The following CTTNBP2 variants were observed in gnomAD, a reference collection of about 807,000 sequenced individuals.
The protein encoded by CTTNBP2 is cortactin binding protein 2.
CTTNBP2 carries 108 observed loss-of-function variants against 156.9 expected under a neutral mutation model. That is an observed-to-expected ratio of 0.69 (90% CI 0.59 to 0.81). The LOEUF is 0.81. Among genes scored for constraint, CTTNBP2 ranks in the 30% least tolerant of loss-of-function variants. CTTNBP2 has a pLI of 0.00. For missense variants in CTTNBP2, 1,924 were observed against 2,035.4 expected (o/e 0.95, Z 1.05); for synonymous variants, 767 against 751.8 (o/e 1.02, Z -0.33).
chr7:117,777,460 C>A, intron 8 of CTTNBP2, 51 bp downstream of exon 8: 2 of 1,574,676 alleles, frequency 1.3e-6, no homozygotes, highest in Non-Finnish European at 8.6e-7. Flanking sequence ...GACAACTTTG[C>A]TGCTCATCAA....
At chr7:117,751,687 G>A (rs1796626355) in intron 12 of CTTNBP2, among the ~76,000 whole-genome samples, 1 of 152,178 alleles carries the variant, frequency 6.6e-6, no homozygotes, top group South Asian at 2.1e-4. Context: ...AGAAATTACA[G>A]TTCACATACA....
chr7:117,804,370 T>G (rs1282699800), intron 3 of CTTNBP2, among the ~76,000 whole-genome samples: 1 of 152,178 alleles, frequency 6.6e-6, no homozygotes, highest in African/African-American at 2.4e-5. Flanking sequence ...TTTTGAATCT[T>G]ATGTACTATG....
At chr7:117,830,476 T>TA (rs1221156186) in intron 2 of CTTNBP2, among the ~76,000 whole-genome samples, 1 of 152,198 alleles carries the variant, frequency 6.6e-6, no homozygotes, top group Non-Finnish European at 1.5e-5. Flanking sequence ...GCCAGAGACA[T>TA]ACCGAACATC....
chr7:117,859,690 C>G (rs1361122592), intron 2 of CTTNBP2, among the ~76,000 whole-genome samples: 1 of 152,134 alleles, frequency 6.6e-6, no homozygotes, highest in African/African-American at 2.4e-5. Flanking sequence ...CATTTGCCAG[C>G]AATACAGATG....
chr7:117,790,413 G>T (rs1253526909), intron 4 of CTTNBP2, among the ~76,000 whole-genome samples: 1 of 152,094 alleles, frequency 6.6e-6, no homozygotes, highest in East Asian at 1.9e-4. Flanking sequence ...TTGTTCAAGA[G>T]TCCCAGATTC....
At position 117,773,652 on chromosome 7, in the gene CTTNBP2, C is replaced by T. The variant is rs1008050113; in HGVS notation, c.2778+3859G>A. On this transcript the variant is annotated intron_variant, in intron 8 of 22. Coordinates refer to ENST00000160373, the MANE Select transcript of CTTNBP2 (RefSeq NM_033427.3). ...GCTTGGGAGTTGCTTAGAGTTAACA[C>T]ACACACACACACACACACACACACA... 1.1e-4 allele frequency among the ~76,000 whole-genome samples: 6 copies of T among 55,302 alleles called. 1 individual carries two copies. The highest frequency in any genetic ancestry group is 1.8e-4 in the Non-Finnish European group (6 of 32,884). 36.3% of individuals were successfully genotyped at this position (55,302 alleles called of 152,430 possible). A position where few individuals can be genotyped will look rare whatever the true frequency, so the allele number is the denominator to read the frequency against.
At chr7:117,770,905 G>A (rs1290017022) in intron 8 of CTTNBP2, among the ~76,000 whole-genome samples, 1 of 152,138 alleles carries the variant, frequency 6.6e-6, no homozygotes, top group Non-Finnish European at 1.5e-5. Flanking sequence ...ACGGAGACAG[G>A]GATCTAGATG....
chr7:117,732,982 A>G (rs1489884793), intron 16 of CTTNBP2, among the ~76,000 whole-genome samples: 2 of 152,244 alleles, frequency 1.3e-5, no homozygotes, highest in East Asian at 3.8e-4. Flanking sequence ...TATGTATTAC[A>G]TAATTAATGA....
intron 2 of CTTNBP2, among the ~76,000 whole-genome samples, chr7:117,828,200 G>A (rs1435224304): frequency 1.3e-5 from 2 of 152,170 alleles, no homozygotes; most frequent in Non-Finnish European, 2.9e-5. Context: ...CCCAGTCCTT[G>A]AGAGAAGGTA....
At chr7:117,770,464 C>T (rs78065698) in intron 8 of CTTNBP2, among the ~76,000 whole-genome samples, 3 of 152,330 alleles carry the variant, frequency 2.0e-5, no homozygotes, top group Non-Finnish European at 4.4e-5. Context: ...TTTGGCCCCA[C>T]TGACACTTAA....
Position 117,782,562 on chromosome 7 carries a change from C to G in CTTNBP2, c.2372+300G>C, listed in dbSNP as rs1798489237. Among the ~76,000 whole-genome samples the G allele has an allele frequency of 2.0e-5, 3 of 152,184 alleles. No individual in the cohort carries two copies. In the South Asian group the frequency reaches 6.2e-4, roughly 32 times the overall value. On this transcript the variant is annotated intron_variant, in intron 6 of 22. Transcript: ENST00000160373. ...AAACAGTGAAAAACAAACTTCTCAA[C>G]AGTCCTTCATCTCATGACATATGTG...
At chr7:117,825,991 T>C (rs1401385559) in intron 2 of CTTNBP2, among the ~76,000 whole-genome samples, 2 of 152,214 alleles carry the variant, frequency 1.3e-5, no homozygotes, top group Non-Finnish European at 2.9e-5. Flanking sequence ...AGCTGCAGTT[T>C]ATCAGGTATC....
At chr7:117,815,308 G>A (rs909870276) in intron 2 of CTTNBP2, among the ~76,000 whole-genome samples, 1 of 152,094 alleles carries the variant, frequency 6.6e-6, no homozygotes, top group Non-Finnish European at 1.5e-5. Flanking sequence ...ATGAAGACAA[G>A]ATGCTATAAT....
At chr7:117,840,954 C>A (rs1221785663) in intron 2 of CTTNBP2, among the ~76,000 whole-genome samples, 1 of 152,134 alleles carries the variant, frequency 6.6e-6, no homozygotes, top group Non-Finnish European at 1.5e-5. Flanking sequence ...ATTAAAAACA[C>A]ATAGAGATTT....
chr7:117,842,997 C>CT (rs1802366231), intron 2 of CTTNBP2, among the ~76,000 whole-genome samples: 1 of 152,210 alleles, frequency 6.6e-6, no homozygotes, highest in Admixed American at 6.5e-5. Context: ...TATTCATGGG[C>CT]TGGGGATTCA....
intron 1 of CTTNBP2, among the ~76,000 whole-genome samples, chr7:117,864,723 T>TTC (rs1445453857): frequency 7.9e-6 from 1 of 127,316 alleles, no homozygotes; most frequent in African/African-American, 2.9e-5. Flanking sequence ...TATTCATATA[T>TTC]ACATATATTC....
At chr7:117,723,233 G>A (rs555154724) in intron 19 of CTTNBP2, among the ~76,000 whole-genome samples, 2 of 151,904 alleles carry the variant, frequency 1.3e-5, no homozygotes, top group South Asian at 2.1e-4. Flanking sequence ...CTTAAAAAGG[G>A]GTCACAATTT....
At position 117,735,249 on chromosome 7, in the gene CTTNBP2, G is replaced by A; in HGVS notation, c.3688+20C>T. 1 of 1,608,800 alleles carries A rather than the reference G, an allele frequency of 6.2e-7. No individual in the cohort carries two copies. The highest frequency in any genetic ancestry group is 2.2e-5 in the East Asian group (1 of 44,854). On this transcript the variant is annotated intron_variant, in intron 15 of 22. Coordinates refer to ENST00000160373, the MANE Select transcript of CTTNBP2 (RefSeq NM_033427.3). ...ATTACAGAAGCTTGCTTCTCAGCAT[G>A]GTCCCTTTATTAGCGTTACCTTTTT...
intron 2 of CTTNBP2, among the ~76,000 whole-genome samples, chr7:117,816,507 C>T (rs1018705537): frequency 6.6e-6 from 1 of 152,136 alleles, no homozygotes; most frequent in African/African-American, 2.4e-5. Flanking sequence ...CCACATATCT[C>T]CCCATGAACT....
Sources: gnomAD v4.1 joint callset for allele counts (sites outside exome capture counted in the v4.1 genomes callset) on GRCh38, gnomAD v4.1.1 for gene constraint, MANE v1.5 for transcripts, NCBI Gene and HGNC (gene_info 2026-07-23, HGNC 2026-07-21) for gene names.